The following PPP2R3B variants were observed in gnomAD, a reference collection of about 807,000 sequenced individuals.
The protein encoded by PPP2R3B is protein phosphatase 2 regulatory subunit B''beta.
PPP2R3B carries 68 observed loss-of-function variants against 72.9 expected under a neutral mutation model. That is an observed-to-expected ratio of 0.93 (90% CI 0.77 to 1.14). PPP2R3B has a LOEUF of 1.14. Ranked by LOEUF, PPP2R3B falls within the 50% of genes most tolerant of loss-of-function variation. The probability of loss-of-function intolerance (pLI) is 0.00; values close to 1 mark genes in which losing one functional copy is unlikely to be tolerated. For missense variants in PPP2R3B, 1,018 were observed against 842.0 expected, an observed-to-expected ratio of 1.21 and a Z score of -2.59; for synonymous variants, 466 against 375.8, an observed-to-expected ratio of 1.24 and a Z score of -2.78.
intron 8 of PPP2R3B, 23 bp from the exon 9 acceptor site, chrX:341,419 G>C (rs771474387): frequency 6.2e-6 from 10 of 1,610,220 alleles, no homozygotes; most frequent in South Asian, 4.4e-5. Flanking sequence ...CCAGGATGGA[G>C]AGACGAAGAT....
At position 341,883 on chromosome X, in the gene PPP2R3B, C is replaced by T. The variant is rs369773203; in HGVS notation, c.1085G>A (p.Arg362Gln). 6.8e-6 allele frequency: 11 copies of T among 1,612,554 alleles called. No homozygotes were observed. Among genetic ancestry groups the T allele is most frequent in the Middle Eastern group, 1.6e-4 (1 of 6,076 alleles). Residue 362 changes from arginine (R) to glutamine (Q), a missense_variant and splice_region_variant, in exon 8 of 13, where the codon CGA becomes CAA. Transcript: ENST00000390665. ...CGTCAGGCGCCTGAGCCGTACGTACCGTGTGACTGCTCCTGAGAAGATCCT... is the reference window on the plus strand; with the variant it reads ...CGTCAGGCGCCTGAGCCGTACGTACTGTGTGACTGCTCCTGAGAAGATCCT... Reference protein sequence around the residue: ...IDRIFSGAVTRGRKVQKEGKI... With the variant: ...IDRIFSGAVTQGRKVQKEGKI...
At chrX:376,474 C>A (rs1359637613) in intron 1 of PPP2R3B, among the ~76,000 whole-genome samples, 4 of 152,094 alleles carry the variant, frequency 2.6e-5, no homozygotes, top group Non-Finnish European at 5.9e-5. Context: ...AGGGACGGGC[C>A]GTCCACAGTG....
intron 1 of PPP2R3B, chrX:373,638 G>C (rs774801244): frequency 1.1e-5 from 3 of 280,416 alleles, no homozygotes; most frequent in South Asian, 2.9e-5. Context: ...CTGGCGCAGC[G>C]AGCGCTCGCG....
At chrX:352,329 A>G (rs1341610105) in intron 2 of PPP2R3B, among the ~76,000 whole-genome samples, 4 of 152,240 alleles carry the variant, frequency 2.6e-5, no homozygotes, top group Admixed American at 6.5e-5. Context: ...CGGCCAGGAC[A>G]GGGAACGAGG....
chrX:374,196 G>A (rs950019784), intron 1 of PPP2R3B, among the ~76,000 whole-genome samples: 4 of 152,100 alleles, frequency 2.6e-5, no homozygotes, highest in African/African-American at 9.7e-5. Flanking sequence ...GGGGACCCAG[G>A]CGAAGGCGCT....
At chrX:341,714 C>T in intron 8 of PPP2R3B, 169 bp downstream of exon 8, 6 of 788,578 alleles carry the variant, frequency 7.6e-6, no homozygotes, top group Non-Finnish European at 1.3e-5. Context: ...GTGCCACCCC[C>T]CCCCACTAGG....
intron 1 of PPP2R3B, among the ~76,000 whole-genome samples, chrX:367,270 A>G (rs1046792999): frequency 2.6e-5 from 4 of 152,158 alleles, no homozygotes; most frequent in Non-Finnish European, 4.4e-5. Flanking sequence ...TCAATTTAAA[A>G]AACATAAATC....
rs1387000645 is a variant in PPP2R3B at position 386,586 on chromosome X, G to A, written c.106C>T (p.Leu36=). Reference sequence around the variant, plus strand: ...CGCCCGGGCGCCTTGATCCGGCGCAGGCAGTCCTGCAGCATCCGCTGCGTG... The same window carrying A: ...CGCCCGGGCGCCTTGATCCGGCGCAAGCAGTCCTGCAGCATCCGCTGCGTG... ...ASTQRMLQDC[L]RRIKAPGRDQ... The change falls in exon 1 of 13, where the codon CTG becomes TTG. Residue 36 remains leucine, a synonymous_variant. Coordinates refer to ENST00000390665, the MANE Select transcript of PPP2R3B (RefSeq NM_013239.5). 3 of 1,453,398 alleles carry A rather than the reference G, an allele frequency of 2.1e-6. No individual in the cohort carries two copies. Among genetic ancestry groups the A allele is most frequent in the African/African-American group, 1.5e-5 (1 of 68,020 alleles). 90.0% of individuals were successfully genotyped at this position (1,453,398 alleles called of 1,614,324 possible). A position where few individuals can be genotyped will look rare whatever the true frequency, so the allele number is the denominator to read the frequency against.
At chrX:369,175 G>A (rs912634465) in intron 1 of PPP2R3B, among the ~76,000 whole-genome samples, 14 of 152,140 alleles carry the variant, frequency 9.2e-5, no homozygotes, top group Non-Finnish European at 1.6e-4. Context: ...AGGCATCTAC[G>A]GTAAACACAG....
intron 3 of PPP2R3B, 60 bp from the exon 4 acceptor site, chrX:347,396 A>T: frequency 1.3e-6 from 2 of 1,493,342 alleles, no homozygotes; most frequent in Non-Finnish European, 1.9e-6. Context: ...GACCCCGCAG[A>T]CGCAGGGTGG....
At chrX:338,475 C>T (rs1201585733) in intron 12 of PPP2R3B, 129 bp downstream of exon 12, 22 of 937,864 alleles carry the variant, frequency 2.3e-5, no homozygotes, top group African/African-American at 8.2e-5. Flanking sequence ...CCTCTGTGTC[C>T]GCGCACCCCA....
At chrX:340,529 TCCGTCCCCTCACCCTGGG>T (rs1442710399) in intron 10 of PPP2R3B, among the ~76,000 whole-genome samples, 1 of 99,690 alleles carries the variant, frequency 1.0e-5, no homozygotes, top group East Asian at 4.1e-4. Context: ...CCCCCTCCCG[TCCGTCCCCTCACCCTGGG>T]CCGTCCCCCC....
chrX:361,749 G>A (rs1331906466), intron 1 of PPP2R3B, 159 bp from the exon 2 acceptor site: 13 of 289,056 alleles, frequency 4.5e-5, no homozygotes, highest in South Asian at 1.3e-4. Flanking sequence ...GACCACACAC[G>A]TACTCCACTG....
At chrX:381,728 A>G (rs1296294701) in intron 1 of PPP2R3B, among the ~76,000 whole-genome samples, 2 of 150,496 alleles carry the variant, frequency 1.3e-5, no homozygotes, top group Admixed American at 6.7e-5. Flanking sequence ...CCTCCGGAGT[A>G]GCTGGGACTA....
chrX:340,937 G>A lies in PPP2R3B; in HGVS notation c.1179C>T (p.Ile393=), dbSNP rs375039491. Residue 393 remains isoleucine (I), a synonymous_variant, in exon 10 of 13, where the codon ATC becomes ATT. Transcript: ENST00000390665. ...SEEDKKTPTS[I]EYWFRCMDLD... is the part of the protein sequence containing the mutation. ...GGTCCATGCAGCGGAACCAGTACTCGATGCTGCGGCACGGCGAGCTCTGTC... is the reference window on the plus strand; with the variant it reads ...GGTCCATGCAGCGGAACCAGTACTCAATGCTGCGGCACGGCGAGCTCTGTC... 3.4e-5 allele frequency: 55 copies of A among 1,610,408 alleles called. No individual in the cohort carries two copies. The highest frequency in any genetic ancestry group is 3.2e-4 in the African/African-American group (24 of 74,824).
intron 5 of PPP2R3B, 139 bp downstream of exon 5, chrX:346,562 T>C: frequency 1.2e-6 from 1 of 836,186 alleles, no homozygotes; most frequent in South Asian, 1.8e-5. Context: ...GTGGAGACTC[T>C]CCCAGAGCGC....
intron 2 of PPP2R3B, among the ~76,000 whole-genome samples, chrX:360,070 A>C (rs1325432558): frequency 2.0e-5 from 3 of 152,242 alleles, no homozygotes; most frequent in African/African-American, 7.2e-5. Flanking sequence ...GACTCACAAG[A>C]AAACTACCAA....
At chrX:363,987 C>T (rs1205660614) in intron 1 of PPP2R3B, among the ~76,000 whole-genome samples, 10 of 152,260 alleles carry the variant, frequency 6.6e-5, no homozygotes, top group Non-Finnish European at 5.9e-5. Flanking sequence ...ACGGCGCCCA[C>T]AGGCTGGCAG....
intron 2 of PPP2R3B, among the ~76,000 whole-genome samples, chrX:349,970 T>C (rs2071294420): frequency 1.3e-5 from 2 of 152,240 alleles, no homozygotes; most frequent in South Asian, 4.1e-4. Flanking sequence ...CCCATCCACA[T>C]GCACCGAGGG....
Sources: gnomAD v4.1 joint callset for allele counts (sites outside exome capture counted in the v4.1 genomes callset) on GRCh38, gnomAD v4.1.1 for gene constraint, MANE v1.5 for transcripts, NCBI Gene and HGNC (gene_info 2026-07-23, HGNC 2026-07-21) for gene names.